BCAT1: variants seen among roughly 807,000 people sequenced by gnomAD.
BCAT1 encodes the protein branched chain amino acid transaminase 1, also known as branched-chain-amino-acid aminotransferase, cytosolic.
Under a neutral mutation model 52.4 loss-of-function variants are expected in BCAT1, and 48 were observed. The observed-to-expected ratio is 0.92, with a 90% confidence interval of 0.73 to 1.16. BCAT1 has a LOEUF of 1.16. Ranked by LOEUF, BCAT1 falls within the 50% of genes most tolerant of loss-of-function variation. The pLI, the probability that BCAT1 is intolerant of heterozygous loss-of-function variation, is 0.00. For synonymous variants in BCAT1, 167 were observed against 161.3 expected (o/e 1.04, Z -0.27); for missense variants, 451 against 457.1 (o/e 0.99, Z 0.12).
Position 24,949,045 on chromosome 12 carries a change from G to T in BCAT1, c.-113C>A. 1 of 1,145,494 alleles carries T rather than the reference G, an allele frequency of 8.7e-7. No homozygotes were observed. The allele number at this position is 1,145,494 out of a possible 1,614,324, so 71.0% of individuals were successfully genotyped here. On this transcript the variant is annotated 5_prime_UTR_variant, in exon 1 of 11. It adds an upstream start codon to the 5' untranslated region. Coordinates refer to ENST00000261192, the MANE Select transcript of BCAT1 (RefSeq NM_005504.7). ...GCTGCAGAGCGCGGTCCCGGCTGCA[G>T]CAAGACCTGGGGCAGTGCCCGAGGC... is the stretch of plus-strand genomic sequence containing the variant.
intron 1 of BCAT1, among the ~76,000 whole-genome samples, chr12:24,919,101 A>T (rs1307961949): frequency 1.3e-5 from 2 of 152,240 alleles, no homozygotes; most frequent in Non-Finnish European, 2.9e-5. Flanking sequence ...ATTTTATAAC[A>T]CATGCATACA....
chr12:24,871,357 G>A (rs1022720788), intron 5 of BCAT1, among the ~76,000 whole-genome samples: 6 of 152,144 alleles, frequency 3.9e-5, no homozygotes, highest in Admixed American at 6.5e-5. Flanking sequence ...AAGATGCCTC[G>A]CATCATGAAC....
At chr12:24,943,883 C>G (rs1011609073) in intron 1 of BCAT1, among the ~76,000 whole-genome samples, 1 of 151,978 alleles carries the variant, frequency 6.6e-6, no homozygotes, top group African/African-American at 2.4e-5. Context: ...ACTCAGGAAG[C>G]TGAGGCAGGA....
At chr12:24,855,293 C>G (rs745614093) in intron 5 of BCAT1, among the ~76,000 whole-genome samples, 39 of 149,804 alleles carry the variant, frequency 2.6e-4, no homozygotes, top group Admixed American at 7.3e-4. Flanking sequence ...TAGCCCTGCT[C>G]CGCAGGAGCA....
chr12:24,892,044 A>G (rs1158804458), intron 3 of BCAT1, among the ~76,000 whole-genome samples: 1 of 145,806 alleles, frequency 6.9e-6, no homozygotes, highest in Admixed American at 6.9e-5. Context: ...GGCGTGAGCC[A>G]CCTCGCCTGG....
chr12:24,910,907 C>A (rs1324983612), intron 1 of BCAT1, among the ~76,000 whole-genome samples: 5 of 152,126 alleles, frequency 3.3e-5, no homozygotes, highest in Admixed American at 6.5e-5. Context: ...AGTTTGAGAC[C>A]AGCCTGGCCA....
intron 5 of BCAT1, among the ~76,000 whole-genome samples, chr12:24,852,524 TA>T (rs1941547621): frequency 6.6e-6 from 1 of 152,214 alleles, no homozygotes; most frequent in Non-Finnish European, 1.5e-5. Context: ...AATAACGTGT[TA>T]TGAAAATTTT....
At chr12:24,893,801 A>G (rs907623920) in intron 3 of BCAT1, among the ~76,000 whole-genome samples, 1 of 152,220 alleles carries the variant, frequency 6.6e-6, no homozygotes, top group African/African-American at 2.4e-5. Flanking sequence ...TTTATGCTTA[A>G]AATTATTTCA....
At chr12:24,835,237 G>A (rs545253345) in intron 8 of BCAT1, among the ~76,000 whole-genome samples, 1 of 152,324 alleles carries the variant, frequency 6.6e-6, no homozygotes, top group South Asian at 2.1e-4. Context: ...CAGCCAGCAT[G>A]TAGCAGTTGG....
intron 2 of BCAT1, among the ~76,000 whole-genome samples, chr12:24,899,587 G>T (rs1943040144): frequency 6.6e-6 from 1 of 152,126 alleles, no homozygotes; most frequent in African/African-American, 2.4e-5. Flanking sequence ...GCAGTCCCAT[G>T]TTTATTACAG....
intron 1 of BCAT1, among the ~76,000 whole-genome samples, chr12:24,908,640 C>G (rs1943264576): frequency 6.6e-6 from 1 of 152,002 alleles, no homozygotes; most frequent in Non-Finnish European, 1.5e-5. Flanking sequence ...ACTTGGGAGG[C>G]TGAGATGAGA....
At chr12:24,917,195 C>CTTTTTT (rs60491814) in intron 1 of BCAT1, among the ~76,000 whole-genome samples, 20 of 103,526 alleles carry the variant, frequency 1.9e-4, no homozygotes, top group East Asian at 9.2e-4. Flanking sequence ...GAGCTTTGGA[C>CTTTTTT]TTTTTTTTTT....
chr12:24,921,170 C>A (rs558401996), intron 1 of BCAT1, among the ~76,000 whole-genome samples: 23 of 152,146 alleles, frequency 1.5e-4, no homozygotes, highest in Non-Finnish European at 3.1e-4. Context: ...CTGATTAAAC[C>A]ACTGGCCATT....
At chr12:24,944,875 T>A (rs988449562) in intron 1 of BCAT1, among the ~76,000 whole-genome samples, 1 of 152,248 alleles carries the variant, frequency 6.6e-6, no homozygotes, top group Non-Finnish European at 1.5e-5. Context: ...CCTGTTTCCA[T>A]TCTTCCATTT....
chr12:24,837,020 A>AAAAG lies in BCAT1; in HGVS notation c.818-428_818-425dup, dbSNP rs879587101. ...AAGGAACGAAGGAAGGAAGAAAGAA[A>AAAAG]AAAGAAAGAAAGAAAGAAAAAAGAA... On this transcript the variant is annotated intron_variant, in intron 7 of 10. Coordinates refer to ENST00000261192, the MANE Select transcript of BCAT1 (RefSeq NM_005504.7). Among the ~76,000 whole-genome samples the AAAAG allele has an allele frequency of 2.0e-4, 28 of 138,830 alleles. 3 individuals are homozygous for AAAAG. The South Asian group carries it at 2.4e-3, about 12-fold the overall frequency. The allele number at this position is 138,830 out of a possible 152,430, so 91.1% of individuals were successfully genotyped here. A position where few individuals can be genotyped will look rare whatever the true frequency, so the allele number is the denominator to read the frequency against.
At chr12:24,831,741 T>C (rs1342072160) in intron 9 of BCAT1, among the ~76,000 whole-genome samples, 1 of 152,248 alleles carries the variant, frequency 6.6e-6, no homozygotes, top group Non-Finnish European at 1.5e-5. Flanking sequence ...GGATCTGCTA[T>C]AATATGAATA....
At chr12:24,842,483 G>T (rs1350135586) in intron 6 of BCAT1, among the ~76,000 whole-genome samples, 2 of 152,144 alleles carry the variant, frequency 1.3e-5, no homozygotes, top group Non-Finnish European at 2.9e-5. Flanking sequence ...AATGATAGAA[G>T]AACACAGGTA....
intron 5 of BCAT1, among the ~76,000 whole-genome samples, chr12:24,854,370 T>C (rs2139484322): frequency 1.7e-5 from 2 of 117,304 alleles, no homozygotes; most frequent in East Asian, 5.2e-4. Flanking sequence ...AGAAGAACAT[T>C]TTTCCTAAAG....
intron 3 of BCAT1, among the ~76,000 whole-genome samples, chr12:24,892,058 T>G (rs1368422047): frequency 1.3e-5 from 2 of 148,910 alleles, no homozygotes; most frequent in Non-Finnish European, 3.0e-5. Flanking sequence ...CGCCTGGCCG[T>G]TTTTTGTTTT....
Sources: gnomAD v4.1 joint callset for allele counts (sites outside exome capture counted in the v4.1 genomes callset) on GRCh38, gnomAD v4.1.1 for gene constraint, MANE v1.5 for transcripts, NCBI Gene and HGNC (gene_info 2026-07-23, HGNC 2026-07-21) for gene names.